CSMD3: variants seen among roughly 807,000 people sequenced by gnomAD.
CSMD3 encodes the protein CUB and Sushi multiple domains 3, also known as CUB and sushi domain-containing protein 3.
Under a neutral mutation model 435.2 loss-of-function variants are expected in CSMD3, and 177 were observed. That is an observed-to-expected ratio of 0.41 (90% confidence interval 0.36 to 0.46). The LOEUF (loss-of-function observed/expected upper bound fraction) is 0.46, where lower values mean the gene tolerates loss of function less well. CSMD3 is among the 20% of genes least tolerant of loss of function. The pLI is 0.34. For synonymous variants in CSMD3, 1,656 were observed against 1,520.5 expected (o/e 1.09, Z -2.07); for missense variants, 4,265 against 4,504.6 (o/e 0.95, Z 1.52).
chr8:112,310,729 A>C, intron 50 of CSMD3: 1 of 553,274 alleles, frequency 1.8e-6, no homozygotes, highest in Non-Finnish European at 3.2e-6. Flanking sequence ...GTATGAATAA[A>C]GTATGTATAC....
Position 112,590,986 on chromosome 8 carries a change from A to G in CSMD3, c.3716-3751T>C, listed in dbSNP as rs556664286. The stretch of plus-strand genomic sequence containing the variant: ...ATAGGTAGTAATGTTTCCTCTCTCT[A>G]ATTTGAACTAGGGGGTGGTGTCATC... On this transcript the variant is annotated intron_variant, in intron 22 of 70. Coordinates refer to ENST00000297405, the MANE Select transcript of CSMD3 (RefSeq NM_198123.2). 6.1e-4 allele frequency among the ~76,000 whole-genome samples: 93 copies of G among 152,190 alleles called. No homozygotes were observed. In the East Asian group the frequency reaches 7.2e-3, roughly 12 times the overall value.
intron 5 of CSMD3, among the ~76,000 whole-genome samples, chr8:113,046,745 C>T (rs1435151010): frequency 1.3e-5 from 2 of 152,162 alleles, no homozygotes; most frequent in Admixed American, 1.3e-4. Flanking sequence ...GAGTCAGGGA[C>T]TTGGAGGGGC....
intron 1 of CSMD3, among the ~76,000 whole-genome samples, chr8:113,383,290 T>A (rs899403034): frequency 1.3e-5 from 2 of 152,180 alleles, no homozygotes; most frequent in Non-Finnish European, 2.9e-5. Flanking sequence ...AGCAAGGTAG[T>A]TACCTGTGCA....
intron 31 of CSMD3, among the ~76,000 whole-genome samples, chr8:112,487,610 C>T (rs1007081616): frequency 5.9e-5 from 9 of 152,120 alleles, no homozygotes; most frequent in African/African-American, 2.2e-4. Context: ...CTCCAAAGAT[C>T]ACTCTATTGT....
chr8:113,219,169 A>C (rs2132120085), intron 3 of CSMD3, among the ~76,000 whole-genome samples: 1 of 151,586 alleles, frequency 6.6e-6, no homozygotes, highest in South Asian at 2.1e-4. Context: ...CTAGGGTCAG[A>C]AACAGGGCAT....
At chr8:112,746,625 A>G (rs1035670161) in intron 13 of CSMD3, among the ~76,000 whole-genome samples, 1 of 141,392 alleles carries the variant, frequency 7.1e-6, no homozygotes, top group African/African-American at 2.8e-5. Context: ...TTTTATTAAT[A>G]ATAGAATAGT....
intron 36 of CSMD3, among the ~76,000 whole-genome samples, chr8:112,384,314 A>C (rs1278053719): frequency 1.3e-5 from 2 of 152,224 alleles, no homozygotes; most frequent in Non-Finnish European, 2.9e-5. Context: ...AGTTATAGTA[A>C]CTACGTCACA....
chr8:112,460,345 T>C (rs559784565), intron 32 of CSMD3, among the ~76,000 whole-genome samples: 39 of 151,998 alleles, frequency 2.6e-4, no homozygotes, highest in African/African-American at 8.2e-4. Flanking sequence ...TTCTACAAAT[T>C]TAGAGATAGT....
At chr8:112,546,348 A>G (rs1586653621) in intron 27 of CSMD3, among the ~76,000 whole-genome samples, 1 of 152,210 alleles carries the variant, frequency 6.6e-6, no homozygotes, top group South Asian at 2.1e-4. Context: ...CTGGAGGGAT[A>G]AAGAAGTGAG....
chr8:113,106,230 A>T (rs988315826), intron 4 of CSMD3, among the ~76,000 whole-genome samples: 5 of 152,148 alleles, frequency 3.3e-5, no homozygotes, highest in African/African-American at 1.2e-4. Flanking sequence ...CTTTTCAGAA[A>T]AACTGAACTC....
intron 1 of CSMD3, among the ~76,000 whole-genome samples, chr8:113,410,395 C>T (rs542813821): frequency 1.3e-5 from 2 of 152,244 alleles, no homozygotes; most frequent in South Asian, 4.1e-4. Flanking sequence ...TTATCCAGGA[C>T]CAAAATCCAA....
chr8:113,386,736 T>A (rs1247442124), intron 1 of CSMD3, among the ~76,000 whole-genome samples: 1 of 151,882 alleles, frequency 6.6e-6, no homozygotes, highest in Non-Finnish European at 1.5e-5. Context: ...TACATCAGAA[T>A]AAACTGCAGT....
intron 23 of CSMD3, among the ~76,000 whole-genome samples, chr8:112,576,432 G>A (rs2131313027): frequency 6.6e-6 from 1 of 152,016 alleles, no homozygotes; most frequent in African/African-American, 2.4e-5. Flanking sequence ...AACATAGTAA[G>A]ACATCATTCT....
chr8:112,920,993 G>GCA (rs1187014003), intron 10 of CSMD3, among the ~76,000 whole-genome samples: 35 of 112,272 alleles, frequency 3.1e-4, no homozygotes, highest in African/African-American at 1.4e-3. Flanking sequence ...ACATACGCGC[G>GCA]CGCGCACACA....
At chr8:113,182,851 TGCACA>T (rs1446348754) in intron 3 of CSMD3, among the ~76,000 whole-genome samples, 28 of 151,394 alleles carry the variant, frequency 1.8e-4, no homozygotes, top group African/African-American at 6.8e-4. Flanking sequence ...CTCTGGGAGA[TGCACA>T]GCAGTTTTGT....
At chr8:113,021,986 A>G (rs143085382) in intron 5 of CSMD3, among the ~76,000 whole-genome samples, 1 of 152,302 alleles carries the variant, frequency 6.6e-6, no homozygotes, top group African/African-American at 2.4e-5. Context: ...AGAAATATAC[A>G]GTCATTGGTT....
intron 12 of CSMD3, among the ~76,000 whole-genome samples, chr8:112,810,383 G>GAAAA (rs34814478): frequency 6.6e-6 from 1 of 151,630 alleles, no homozygotes; most frequent in African/African-American, 2.4e-5. Flanking sequence ...CTAATTAACA[G>GAAAA]ACAAATCTGA....
At chr8:113,321,043 T>C (rs1010882542) in intron 1 of CSMD3, among the ~76,000 whole-genome samples, 27 of 152,096 alleles carry the variant, frequency 1.8e-4, no homozygotes, top group Non-Finnish European at 3.7e-4. Flanking sequence ...ACCCTGTGGA[T>C]TTGATTCAAT....
intron 5 of CSMD3, among the ~76,000 whole-genome samples, chr8:113,038,230 A>C (rs867459906): frequency 6.6e-6 from 1 of 152,218 alleles, no homozygotes; most frequent in Non-Finnish European, 1.5e-5. Flanking sequence ...CTGTAGTTGG[A>C]ATATAAAACA....
Sources: allele counts gnomAD v4.1 joint callset (sites outside exome capture counted in the v4.1 genomes callset), GRCh38; gene constraint gnomAD v4.1.1; transcripts MANE v1.5; gene names NCBI Gene and HGNC (gene_info 2026-07-23, HGNC 2026-07-21).